The following FGF14 variants were observed in gnomAD, a reference collection of about 807,000 sequenced individuals.
FGF14 encodes fibroblast growth factor 14.
Under a neutral mutation model 25.5 loss-of-function variants are expected in FGF14, and 5 were observed. The observed-to-expected ratio is 0.20, with a 90% CI of 0.10 to 0.41. The LOEUF is 0.41. FGF14 is among the 10% of genes least tolerant of loss of function. The pLI is 1.00. For synonymous variants in FGF14, 138 were observed against 118.3 expected (o/e 1.17, Z -1.08); for missense variants, 222 against 320.1 (o/e 0.69, Z 2.34).
intron 1 of FGF14, chr13:102,373,444 CATA>C (rs1314814987): frequency 6.6e-6 from 1 of 152,094 alleles, no homozygotes; most frequent in African/African-American, 2.4e-5. Context: ...ATGAAATGAC[CATA>C]ATAACTCCAA....
chr13:102,343,905 A>G lies in FGF14; in HGVS notation c.208+57566T>C, dbSNP rs1423796627. Among the ~76,000 whole-genome samples, 4 of 152,180 alleles carry G rather than the reference A, an allele frequency of 2.6e-5. No individual in the cohort carries two copies. The East Asian group carries it at 7.7e-4, about 29-fold the overall frequency. On this transcript the variant is annotated intron_variant, in intron 1 of 4. Transcript: ENST00000376131. ...CCCTGACTATACTACTAAATACAAC[A>G]TAGTTAAGCTTTTGCAGGAAAACAT...
chr13:101,935,335 A>G (rs1348557450), intron 1 of FGF14, among the ~76,000 whole-genome samples: 1 of 152,190 alleles, frequency 6.6e-6, no homozygotes, highest in Non-Finnish European at 1.5e-5. Context: ...TTCTGCTGAC[A>G]GAGCAGCTAG....
At chr13:101,808,908 A>G (rs1004378456) in intron 3 of FGF14, among the ~76,000 whole-genome samples, 1 of 152,164 alleles carries the variant, frequency 6.6e-6, no homozygotes, top group African/African-American at 2.4e-5. Context: ...ACAACTTCCT[A>G]TATCATGTGG....
chr13:101,888,423 C>A (rs2046101770), intron 1 of FGF14, among the ~76,000 whole-genome samples: 2 of 152,104 alleles, frequency 1.3e-5, no homozygotes, highest in African/African-American at 2.4e-5. Flanking sequence ...TGTGCATATA[C>A]ATACACATAA....
At chr13:102,115,920 G>T (rs2045448312) in intron 1 of FGF14, among the ~76,000 whole-genome samples, 1 of 152,078 alleles carries the variant, frequency 6.6e-6, no homozygotes, top group African/African-American at 2.4e-5. Context: ...AAGACCAGCT[G>T]ACCAACATGG....
chr13:102,135,663 T>A (rs1452487422), intron 1 of FGF14, among the ~76,000 whole-genome samples: 1 of 152,166 alleles, frequency 6.6e-6, no homozygotes, highest in East Asian at 1.9e-4. Flanking sequence ...AATGAAATAT[T>A]GTTTGTTTTT....
chr13:101,751,919 A>G (rs1217246900), intron 3 of FGF14, among the ~76,000 whole-genome samples: 2 of 152,166 alleles, frequency 1.3e-5, no homozygotes, highest in African/African-American at 4.8e-5. Context: ...AAAAAAACAA[A>G]ACAAAACAAA....
chr13:102,274,315 G>A (rs1034261883), intron 1 of FGF14, among the ~76,000 whole-genome samples: 1 of 152,188 alleles, frequency 6.6e-6, no homozygotes, highest in Non-Finnish European at 1.5e-5. Context: ...CTGAGTGTCG[G>A]AAAGATTTTG....
At chr13:101,749,743 T>C (rs1034767051) in intron 3 of FGF14, among the ~76,000 whole-genome samples, 3 of 152,110 alleles carry the variant, frequency 2.0e-5, no homozygotes, top group Non-Finnish European at 2.9e-5. Flanking sequence ...TTTCTTCACA[T>C]GGACTTTGAA....
At chr13:102,273,498 G>A (rs2053354056) in intron 1 of FGF14, among the ~76,000 whole-genome samples, 1 of 152,102 alleles carries the variant, frequency 6.6e-6, no homozygotes, top group East Asian at 1.9e-4. Context: ...TAAGCACTGT[G>A]CTTGCTGAAA....
intron 3 of FGF14, among the ~76,000 whole-genome samples, chr13:101,764,073 T>C (rs1179338928): frequency 3.3e-5 from 5 of 152,134 alleles, no homozygotes; most frequent in Non-Finnish European, 5.9e-5. Context: ...TAGTAAGAAG[T>C]CTGTCCCCTG....
intron 3 of FGF14, among the ~76,000 whole-genome samples, chr13:101,839,870 A>G (rs371667600): frequency 3.2e-4 from 48 of 152,116 alleles, no homozygotes; most frequent in African/African-American, 1.1e-3. Context: ...CACTCCAAGG[A>G]TCTTTCTGCC....
chr13:101,852,875 T>G (rs2043929716), intron 3 of FGF14, among the ~76,000 whole-genome samples: 1 of 152,074 alleles, frequency 6.6e-6, no homozygotes, highest in Admixed American at 6.6e-5. Context: ...CACAGAAAAC[T>G]AACAATTTCA....
At chr13:102,368,625 G>A (rs576377143) in intron 1 of FGF14, among the ~76,000 whole-genome samples, 35 of 152,218 alleles carry the variant, frequency 2.3e-4, no homozygotes, top group African/African-American at 7.2e-4. Flanking sequence ...GACATTGAAT[G>A]CAGCTGCATG....
chr13:102,250,860 A>G (rs1473209935), intron 1 of FGF14, among the ~76,000 whole-genome samples: 1 of 152,214 alleles, frequency 6.6e-6, no homozygotes. Context: ...ACTCCAAAGA[A>G]GGACCTATTT....
intron 1 of FGF14, among the ~76,000 whole-genome samples, chr13:101,950,606 ATC>A (rs1388731041): frequency 6.6e-6 from 1 of 152,232 alleles, no homozygotes; most frequent in African/African-American, 2.4e-5. Flanking sequence ...TCTCAAAGAT[ATC>A]TGTTTGTGTA....
chr13:101,898,791 GA>G (rs2138963423), intron 1 of FGF14, among the ~76,000 whole-genome samples: 1 of 152,248 alleles, frequency 6.6e-6, no homozygotes, highest in South Asian at 2.1e-4. Context: ...AACAAGAAGA[GA>G]AAAGAAAGAA....
intron 1 of FGF14, among the ~76,000 whole-genome samples, chr13:101,983,641 A>C (rs756348249): frequency 2.0e-5 from 3 of 152,270 alleles, no homozygotes; most frequent in Non-Finnish European, 4.4e-5. Context: ...TACTTACTAT[A>C]TTAGTTGGAA....
At chr13:101,973,119 C>CATTTTTTT in intron 1 of FGF14, among the ~76,000 whole-genome samples, 2 of 127,506 alleles carry the variant, frequency 1.6e-5, no homozygotes, top group Non-Finnish European at 3.5e-5. Flanking sequence ...AAGTGTGCTT[C>CATTTTTTT]TTTTTTTTTT....
Sources: gnomAD v4.1 joint callset for allele counts (sites outside exome capture counted in the v4.1 genomes callset) on GRCh38, gnomAD v4.1.1 for gene constraint, MANE v1.5 for transcripts, NCBI Gene and HGNC (gene_info 2026-07-23, HGNC 2026-07-21) for gene names.